ALDH1A2: variants seen among roughly 807,000 people sequenced by gnomAD.
ALDH1A2 encodes retinal dehydrogenase 2.
In ALDH1A2, 27 loss-of-function variants were observed where a neutral mutation model predicts 60.3. The observed-to-expected ratio is 0.45, with a 90% confidence interval of 0.33 to 0.62. The LOEUF is 0.62. ALDH1A2 is among the 20% of genes least tolerant of loss of function. ALDH1A2 has a pLI of 0.02. For missense variants in ALDH1A2, 581 were observed against 643.8 expected, an observed-to-expected ratio of 0.90 and a Z score of 1.06; for synonymous variants, 289 against 232.4, an observed-to-expected ratio of 1.24 and a Z score of -2.21.
chr15:57,999,055 A>T (rs1349341519), intron 4 of ALDH1A2, among the ~76,000 whole-genome samples: 3 of 152,188 alleles, frequency 2.0e-5, no homozygotes, highest in African/African-American at 7.2e-5. Context: ...TTACCTCAAG[A>T]TGAATTAAAG....
At chr15:57,969,849 A>C (rs1374084644) in intron 7 of ALDH1A2, among the ~76,000 whole-genome samples, 1 of 152,202 alleles carries the variant, frequency 6.6e-6, no homozygotes, top group Admixed American at 6.5e-5. Context: ...CATTGCTGAC[A>C]ACCTGGCTAA....
At chr15:58,002,682 A>G (rs1168678074) in intron 4 of ALDH1A2, among the ~76,000 whole-genome samples, 36 of 151,964 alleles carry the variant, frequency 2.4e-4, no homozygotes. Flanking sequence ...AGCAAATTTT[A>G]TATACCTAGT....
At chr15:57,965,673 G>C (rs556367171) in intron 8 of ALDH1A2, 52 bp downstream of exon 8, 1 of 1,281,526 alleles carries the variant, frequency 7.8e-7, no homozygotes, top group East Asian at 2.3e-5. Context: ...ATATAAAAGA[G>C]AGCACCAAAG....
chr15:57,993,081 G>GA lies in ALDH1A2; in HGVS notation c.556-9dup, dbSNP rs764707551. On this transcript the variant is annotated splice_polypyrimidine_tract_variant and intron_variant, in intron 5 of 12. Transcript: ENST00000249750. Reference sequence around the variant, plus strand: ...CAGCAGGGGGAAGTTCCACTGAAAGGAAAAAACTCAAAGTTGATAGATGGA... The same window carrying GA: ...CAGCAGGGGGAAGTTCCACTGAAAGGAAAAAAACTCAAAGTTGATAGATGGA... The GA allele has an allele frequency of 6.2e-7, 1 of 1,611,576 alleles. No individual in the cohort carries two copies. Among genetic ancestry groups the GA allele is most frequent in the Non-Finnish European group, 8.5e-7 (1 of 1,179,848 alleles).
Position 57,964,087 on chromosome 15 carries a change from C to A in ALDH1A2, c.902-18G>T, listed in dbSNP as rs750413727. On this transcript the variant is annotated intron_variant, in intron 8 of 12. Coordinates refer to ENST00000249750, the MANE Select transcript of ALDH1A2 (RefSeq NM_003888.4). ...ATAGTCCACTACAAGAGGAAACAGC[C>A]ATGTTCTCACCGCTTTGCCTGGGGA... The A allele has an allele frequency of 6.2e-6, 10 of 1,613,568 alleles. No homozygotes were observed. In the South Asian group the frequency reaches 1.1e-4, roughly 18 times the overall value.
chr15:58,037,287 G>C (rs1896399790), intron 1 of ALDH1A2, among the ~76,000 whole-genome samples: 1 of 151,500 alleles, frequency 6.6e-6, no homozygotes, highest in South Asian at 2.1e-4. Context: ...AAAAGAGAAA[G>C]AATTTTTAAG....
intron 1 of ALDH1A2, among the ~76,000 whole-genome samples, chr15:58,031,705 G>C (rs1249681279): frequency 6.6e-6 from 1 of 152,100 alleles, no homozygotes; most frequent in Non-Finnish European, 1.5e-5. Context: ...AGAATGAACA[G>C]ACACTTCTCA....
At chr15:58,003,323 C>G (rs1377457237) in intron 4 of ALDH1A2, among the ~76,000 whole-genome samples, 1 of 151,838 alleles carries the variant, frequency 6.6e-6, no homozygotes, top group African/African-American at 2.4e-5. Context: ...TCTGATGGAA[C>G]AAGAATACTT....
intron 7 of ALDH1A2, chr15:57,980,327 T>G (rs549225004): frequency 2.4e-4 from 102 of 432,752 alleles, no homozygotes; most frequent in African/African-American, 1.9e-3. Flanking sequence ...GTTGTTGGCC[T>G]TGAACAGGTC....
intron 1 of ALDH1A2, among the ~76,000 whole-genome samples, chr15:58,055,309 A>C (rs1360240258): frequency 2.0e-5 from 3 of 152,046 alleles, no homozygotes; most frequent in African/African-American, 7.2e-5. Flanking sequence ...TGTGAAAAGT[A>C]CTCTGAATAT....
At chr15:58,004,189 A>C (rs1025957255) in intron 4 of ALDH1A2, among the ~76,000 whole-genome samples, 1 of 151,874 alleles carries the variant, frequency 6.6e-6, no homozygotes, top group African/African-American at 2.4e-5. Flanking sequence ...GGGAGAAATT[A>C]AGCAGGTATT....
intron 1 of ALDH1A2, among the ~76,000 whole-genome samples, chr15:58,044,695 AATT>A (rs1896597224): frequency 6.6e-6 from 1 of 151,942 alleles, no homozygotes; most frequent in Non-Finnish European, 1.5e-5. Flanking sequence ...TCAAATAGAA[AATT>A]ATTTTCCTAG....
At chr15:58,015,174 G>C (rs1014712667) in intron 1 of ALDH1A2, among the ~76,000 whole-genome samples, 1 of 152,154 alleles carries the variant, frequency 6.6e-6, no homozygotes, top group Non-Finnish European at 1.5e-5. Context: ...GCACCACAGT[G>C]AAATTTCTGA....
chr15:58,014,251 C>CT lies in ALDH1A2; in HGVS notation c.147dup (p.Glu50ArgfsTer10). On this transcript the variant is annotated frameshift_variant, in exon 2 of 13. Coordinates refer to ENST00000249750, the MANE Select transcript of ALDH1A2 (RefSeq NM_003888.4). LOFTEE classifies it high-confidence loss of function. The stretch of plus-strand genomic sequence containing the variant: ...TAGACAGGGAACACTCTCCCACTCT[C>CT]TGAGTTCTGCCACTCGTTGTTTATA... 2 of 1,614,112 alleles carry CT rather than the reference C, an allele frequency of 1.2e-6. No homozygotes were observed. Among genetic ancestry groups the CT allele is most frequent in the Non-Finnish European group, 1.7e-6 (2 of 1,179,968 alleles).
At chr15:57,991,836 A>G (rs1173017332) in intron 7 of ALDH1A2, among the ~76,000 whole-genome samples, 1 of 152,184 alleles carries the variant, frequency 6.6e-6, no homozygotes, top group African/African-American at 2.4e-5. Context: ...TTCAATGATG[A>G]TATCATCTGT....
chr15:58,037,800 C>G (rs1412405059), intron 1 of ALDH1A2, among the ~76,000 whole-genome samples: 2 of 151,628 alleles, frequency 1.3e-5, no homozygotes, highest in Non-Finnish European at 3.0e-5. Flanking sequence ...CAAATTAAAG[C>G]AGAAATAAAG....
chr15:57,966,093 G>T (rs1893887928), intron 7 of ALDH1A2, among the ~76,000 whole-genome samples: 1 of 152,196 alleles, frequency 6.6e-6, no homozygotes, highest in South Asian at 2.1e-4. Flanking sequence ...CTTAATCACT[G>T]AAAGATTTCT....
intron 3 of ALDH1A2, among the ~76,000 whole-genome samples, chr15:58,011,856 T>C (rs1895643459): frequency 6.6e-6 from 1 of 151,756 alleles, no homozygotes; most frequent in Non-Finnish European, 1.5e-5. Flanking sequence ...ACATTCTCTA[T>C]ACAGCTAGCA....
chr15:57,956,322 T>C (rs1893525529), intron 12 of ALDH1A2, among the ~76,000 whole-genome samples: 1 of 152,244 alleles, frequency 6.6e-6, no homozygotes, highest in Non-Finnish European at 1.5e-5. Flanking sequence ...TTAGGAGATA[T>C]ATTTGAATAT....
Sources: allele counts gnomAD v4.1 joint callset (sites outside exome capture counted in the v4.1 genomes callset), GRCh38; gene constraint gnomAD v4.1.1; transcripts MANE v1.5; gene names NCBI Gene and HGNC (gene_info 2026-07-23, HGNC 2026-07-21).